MACROD2: variants seen among roughly 807,000 people sequenced by gnomAD.
MACROD2 encodes the protein mono-ADP ribosylhydrolase 2.
A neutral mutation model predicts 70.4 loss-of-function variants in MACROD2; 36 were observed. The observed-to-expected ratio is 0.51, with a 90% CI of 0.39 to 0.68. MACROD2 has a LOEUF of 0.68. Among genes scored for constraint, MACROD2 ranks in the 30% least tolerant of loss-of-function variants. MACROD2 has a pLI of 0.00. For synonymous variants in MACROD2, 172 were observed against 178.8 expected (o/e 0.96, Z 0.30); for missense variants, 496 against 538.4 (o/e 0.92, Z 0.78).
chr20:15,879,679 G>GT (rs976956411), intron 9 of MACROD2, among the ~76,000 whole-genome samples: 56 of 152,064 alleles, frequency 3.7e-4, no homozygotes, highest in African/African-American at 1.3e-3. Context: ...TATTAGTCAG[G>GT]TTTTTGCAGA....
At chr20:14,163,234 T>C (rs911964040) in intron 3 of MACROD2, among the ~76,000 whole-genome samples, 1 of 152,184 alleles carries the variant, frequency 6.6e-6, no homozygotes, top group African/African-American at 2.4e-5. Flanking sequence ...TATACATGGC[T>C]GTCAGTTTTT....
rs184771057 is a variant in MACROD2, at chr20:14,402,740, A to G, written c.272-90739A>G. Among the ~76,000 whole-genome samples the G allele has an allele frequency of 1.2e-4, 19 of 152,336 alleles. 1 individual carries two copies. The highest frequency in any genetic ancestry group is 1.2e-3 in the Admixed American group (18 of 15,302). On this transcript the variant is annotated intron_variant, in intron 3 of 17. Transcript: ENST00000684519. ...CTAATAGGATCTTAGTGAACTAACA[A>G]TCATAAACAGACCAATAGAAAGAAA...
intron 5 of MACROD2, among the ~76,000 whole-genome samples, chr20:15,125,709 A>G (rs1299702380): frequency 6.6e-6 from 1 of 152,104 alleles, no homozygotes; most frequent in Non-Finnish European, 1.5e-5. Flanking sequence ...ATTTACATAT[A>G]GTAATACTCA....
chr20:14,349,024 C>A (rs2083092838), intron 3 of MACROD2, among the ~76,000 whole-genome samples: 1 of 152,086 alleles, frequency 6.6e-6, no homozygotes, highest in African/African-American at 2.4e-5. Flanking sequence ...GCCATGATCA[C>A]CCCACTGTAT....
intron 5 of MACROD2, among the ~76,000 whole-genome samples, chr20:15,105,932 A>G (rs1388775432): frequency 6.6e-6 from 1 of 152,178 alleles, no homozygotes; most frequent in Non-Finnish European, 1.5e-5. Context: ...ACATTTCAGT[A>G]TCACTATGAG....
intron 6 of MACROD2, among the ~76,000 whole-genome samples, chr20:15,253,630 A>T (rs971650437): frequency 2.6e-4 from 39 of 152,310 alleles, no homozygotes; most frequent in African/African-American, 9.4e-4. Context: ...CTGGACACTC[A>T]TAACTATGGG....
chr20:15,677,913 A>G (rs1407853381), intron 8 of MACROD2, among the ~76,000 whole-genome samples: 2 of 152,068 alleles, frequency 1.3e-5, no homozygotes, highest in Non-Finnish European at 2.9e-5. Context: ...TAAAAATACA[A>G]AATTAGCCAA....
At chr20:14,382,395 G>A (rs532818743) in intron 3 of MACROD2, among the ~76,000 whole-genome samples, 4 of 151,806 alleles carry the variant, frequency 2.6e-5, no homozygotes, top group South Asian at 2.1e-4. Flanking sequence ...TGGGCCAGGC[G>A]TGGTGGCTCA....
intron 3 of MACROD2, among the ~76,000 whole-genome samples, chr20:14,231,281 C>G (rs1298304842): frequency 1.3e-5 from 2 of 152,060 alleles, no homozygotes; most frequent in Non-Finnish European, 2.9e-5. Flanking sequence ...AATGCTATCC[C>G]TCCCCACTGC....
intron 4 of MACROD2, chr20:14,622,051 A>G (rs1983859081): frequency 6.6e-6 from 1 of 152,190 alleles, no homozygotes; most frequent in Non-Finnish European, 1.5e-5. Context: ...ATCTTTGGAA[A>G]ATATTTTACA....
chr20:15,583,546 C>T lies in MACROD2; in HGVS notation c.645+83699C>T, dbSNP rs79879300. ...GGCTTTCTGTTTTCTTGCAGACAAG[C>T]CTTTATGCTCTTCCCAGTGCCACAT... is the stretch of plus-strand genomic sequence containing the variant. On this transcript the variant is annotated intron_variant, in intron 8 of 17. Coordinates refer to ENST00000684519, the MANE Select transcript of MACROD2 (RefSeq NM_001351661.2). 1.7e-3 allele frequency among the ~76,000 whole-genome samples: 263 copies of T among 152,324 alleles called. 1 individual carries two copies. The highest frequency in any genetic ancestry group is 2.6e-3 in the Non-Finnish European group (178 of 68,024).
chr20:15,557,407 CA>C (rs2048182262), intron 8 of MACROD2, among the ~76,000 whole-genome samples: 2 of 152,168 alleles, frequency 1.3e-5, no homozygotes, highest in East Asian at 3.9e-4. Flanking sequence ...ACTTCAGATG[CA>C]GAGAGAGAAA....
At chr20:14,024,868 G>A (rs1427223303) in intron 2 of MACROD2, among the ~76,000 whole-genome samples, 1 of 152,150 alleles carries the variant, frequency 6.6e-6, no homozygotes, top group Non-Finnish European at 1.5e-5. Flanking sequence ...TTTGGTATCA[G>A]GATGATGACT....
chr20:15,904,708 T>A (rs142212960), intron 10 of MACROD2, among the ~76,000 whole-genome samples: 1 of 151,652 alleles, frequency 6.6e-6, no homozygotes, highest in Non-Finnish European at 1.5e-5. Flanking sequence ...CTGGCTAACC[T>A]GTCTCTACTA....
At chr20:14,821,208 C>CT (rs971315232) in intron 5 of MACROD2, among the ~76,000 whole-genome samples, 2 of 152,132 alleles carry the variant, frequency 1.3e-5, no homozygotes, top group Admixed American at 6.5e-5. Context: ...ATGATGACTT[C>CT]TTTTTTTCAG....
In MACROD2 at chr20:15,564,468, C is replaced by T. The variant is rs374071213; in HGVS notation, c.645+64621C>T. On this transcript the variant is annotated intron_variant, in intron 8 of 17. Coordinates refer to ENST00000684519, the MANE Select transcript of MACROD2 (RefSeq NM_001351661.2). ...TGAAAATGTATTTTCATGCTACTACCCACTTTGGATCTTTTTTATTGTACC... is the reference window on the plus strand; with the variant it reads ...TGAAAATGTATTTTCATGCTACTACTCACTTTGGATCTTTTTTATTGTACC... Among the ~76,000 whole-genome samples, 5 of 152,204 alleles carry T rather than the reference C, an allele frequency of 3.3e-5. 1 individual carries two copies. Among genetic ancestry groups the T allele is most frequent in the East Asian group, 3.9e-4 (2 of 5,180 alleles).
At chr20:14,321,176 C>A (rs1297897030) in intron 3 of MACROD2, among the ~76,000 whole-genome samples, 2 of 151,950 alleles carry the variant, frequency 1.3e-5, no homozygotes, top group African/African-American at 4.8e-5. Context: ...ACCAGCCTGG[C>A]CAACATGGTG....
intron 15 of MACROD2, among the ~76,000 whole-genome samples, chr20:16,033,356 C>A (rs944386748): frequency 2.6e-5 from 4 of 152,076 alleles, no homozygotes; most frequent in African/African-American, 9.7e-5. Flanking sequence ...TTTAATCTAG[C>A]TACATCAGAG....
chr20:15,598,256 A>G (rs554501054), intron 8 of MACROD2, among the ~76,000 whole-genome samples: 261 of 152,328 alleles, frequency 1.7e-3, no homozygotes, highest in Non-Finnish European at 2.3e-3. Context: ...GAAATACTGT[A>G]TCTAGTGACT....
Sources: gnomAD v4.1 joint callset for allele counts (sites outside exome capture counted in the v4.1 genomes callset) on GRCh38, gnomAD v4.1.1 for gene constraint, MANE v1.5 for transcripts, NCBI Gene and HGNC (gene_info 2026-07-23, HGNC 2026-07-21) for gene names.